Variants in CDH12 observed in about 807,000 individuals in gnomAD.
CDH12 encodes the protein cadherin-12.
Under a neutral mutation model 74.1 loss-of-function variants are expected in CDH12, and 41 were observed. The observed-to-expected ratio is 0.55, with a 90% CI of 0.43 to 0.72. The LOEUF is 0.72. Ranked by LOEUF, CDH12 falls within the 30% of genes least tolerant of loss-of-function variation. CDH12 has a pLI of 0.00. For synonymous variants in CDH12, 399 were observed against 355.0 expected (o/e 1.12, Z -1.39); for missense variants, 945 against 977.2 (o/e 0.97, Z 0.44).
chr5:21,798,859 G>A (rs1261802432), intron 10 of CDH12, among the ~76,000 whole-genome samples: 2 of 152,138 alleles, frequency 1.3e-5, no homozygotes, highest in Non-Finnish European at 2.9e-5. Context: ...GCAGCCTTAA[G>A]TGACTAAGAC....
chr5:22,147,178 A>G (rs1747242806), intron 4 of CDH12, among the ~76,000 whole-genome samples: 1 of 152,180 alleles, frequency 6.6e-6, no homozygotes, highest in Non-Finnish European at 1.5e-5. Flanking sequence ...AAGACATTTT[A>G]GCAAAATTAA....
chr5:22,801,160 G>A (rs912684008), intron 1 of CDH12, among the ~76,000 whole-genome samples: 2 of 152,130 alleles, frequency 1.3e-5, no homozygotes, highest in East Asian at 3.9e-4. Flanking sequence ...ATTACCTCCA[G>A]CAATGAAGAT....
chr5:22,212,627 G>T lies in CDH12; in HGVS notation c.-316C>A, dbSNP rs1478935157. ...ATCCTGTGCTCCTTTTCCCTGTTAT[G>T]TTGAGCTCCTCACTGTCTAAGGAGA... is the stretch of plus-strand genomic sequence containing the variant. On this transcript the variant is annotated 5_prime_UTR_variant, in exon 4 of 15. Coordinates refer to ENST00000382254, the MANE Select transcript of CDH12 (RefSeq NM_004061.5). 1.0e-6 allele frequency: 1 copy of T among 984,866 alleles called. No individual in the cohort carries two copies. Among genetic ancestry groups the T allele is most frequent in the Non-Finnish European group, 1.2e-6 (1 of 829,200 alleles). 61.0% of individuals were successfully genotyped at this position (984,866 alleles called of 1,614,324 possible).
intron 4 of CDH12, among the ~76,000 whole-genome samples, chr5:22,102,165 A>AT (rs1028654683): frequency 6.6e-6 from 1 of 152,064 alleles, no homozygotes; most frequent in Non-Finnish European, 1.5e-5. Context: ...TGTTTGTTTA[A>AT]TTTTTTCCCC....
intron 1 of CDH12, among the ~76,000 whole-genome samples, chr5:22,563,974 G>C (rs1296917960): frequency 6.6e-6 from 1 of 152,022 alleles, no homozygotes; most frequent in Non-Finnish European, 1.5e-5. Flanking sequence ...GGAATTATGG[G>C]AGCTACAAGA....
At chr5:21,770,717 G>A (rs566167619) in intron 11 of CDH12, among the ~76,000 whole-genome samples, 1 of 152,112 alleles carries the variant, frequency 6.6e-6, no homozygotes, top group South Asian at 2.1e-4. Context: ...TGGGTGCATA[G>A]CCAATAGAAT....
At chr5:21,973,791 T>TA (rs1756953525) in intron 6 of CDH12, among the ~76,000 whole-genome samples, 1 of 152,202 alleles carries the variant, frequency 6.6e-6, no homozygotes, top group Admixed American at 6.5e-5. Context: ...AAGACACCGT[T>TA]AAAATGTAGC....
In CDH12 at chr5:22,419,993, G is replaced by GT. The variant is rs79494488; in HGVS notation, c.-427-14643dup. On this transcript the variant is annotated intron_variant, in intron 2 of 14. Coordinates refer to ENST00000382254, the MANE Select transcript of CDH12 (RefSeq NM_004061.5). ...TGTCCTTTGCCCATATTTTAATGGG[G>GT]TTTTTTTTTGTTTGTTTGTTTGTTT... 1.1e-3 allele frequency among the ~76,000 whole-genome samples: 162 copies of GT among 151,200 alleles called. 4 individuals carry two copies. In the South Asian group the frequency reaches 0.012, roughly 11 times the overall value.
intron 5 of CDH12, among the ~76,000 whole-genome samples, chr5:22,001,654 G>A (rs1736609077): frequency 1.3e-5 from 2 of 151,784 alleles, no homozygotes; most frequent in South Asian, 2.1e-4. Context: ...CTCTGCCCTC[G>A]AGTAGGCCCT....
intron 12 of CDH12, among the ~76,000 whole-genome samples, chr5:21,763,551 T>G (rs1744841678): frequency 6.6e-6 from 1 of 152,174 alleles, no homozygotes; most frequent in Non-Finnish European, 1.5e-5. Context: ...TTTACTTAAG[T>G]GAATAGTTAC....
At chr5:21,896,711 C>CT (rs542722784) in intron 6 of CDH12, among the ~76,000 whole-genome samples, 303 of 152,212 alleles carry the variant, frequency 2.0e-3, no homozygotes, top group Non-Finnish European at 3.2e-3. Flanking sequence ...ACAAAAAAAA[C>CT]TTTTTTTATC....
chr5:22,659,917 G>T (rs1003341418), intron 1 of CDH12, among the ~76,000 whole-genome samples: 6 of 151,734 alleles, frequency 4.0e-5, no homozygotes, highest in Non-Finnish European at 7.4e-5. Context: ...AACATATATA[G>T]AATATGACTA....
At chr5:22,219,803 T>A (rs1272540986) in intron 3 of CDH12, among the ~76,000 whole-genome samples, 1 of 151,568 alleles carries the variant, frequency 6.6e-6, no homozygotes, top group Non-Finnish European at 1.5e-5. Context: ...TTTTCTCAGA[T>A]GAAAAAAGGT....
chr5:22,701,645 G>A (rs1359630369), intron 1 of CDH12, among the ~76,000 whole-genome samples: 1 of 151,766 alleles, frequency 6.6e-6, no homozygotes, highest in Admixed American at 6.6e-5. Context: ...TTTTATTACT[G>A]GTTTTAGATC....
At chr5:22,095,381 C>G (rs777295653) in intron 4 of CDH12, among the ~76,000 whole-genome samples, 1 of 152,078 alleles carries the variant, frequency 6.6e-6, no homozygotes, top group African/African-American at 2.4e-5. Flanking sequence ...ACTCCGGCGC[C>G]GGTCATGGAC....
At chr5:21,849,131 A>G (rs1286195868) in intron 7 of CDH12, among the ~76,000 whole-genome samples, 1 of 151,850 alleles carries the variant, frequency 6.6e-6, no homozygotes, top group African/African-American at 2.4e-5. Context: ...TATATATATG[A>G]AACCAGAATT....
At chr5:21,980,416 C>G (rs1328498461) in intron 5 of CDH12, among the ~76,000 whole-genome samples, 1 of 151,974 alleles carries the variant, frequency 6.6e-6, no homozygotes, top group Non-Finnish European at 1.5e-5. Context: ...TATTACAAAA[C>G]ATTTTTTAAG....
In CDH12 at chr5:22,425,407, G is replaced by A. The variant is rs1298746211; in HGVS notation, c.-427-20056C>T. On this transcript the variant is annotated intron_variant, in intron 2 of 14. Transcript: ENST00000382254. ...GTACTTATTTATTTTTTACCCTGTC[G>A]TACTGAAATGCATCAATGGGAGATC... 2.7e-5 allele frequency among the ~76,000 whole-genome samples: 4 copies of A among 150,908 alleles called. No homozygotes were observed. The South Asian group carries it at 6.2e-4, about 24-fold the overall frequency.
intron 6 of CDH12, among the ~76,000 whole-genome samples, chr5:21,973,337 T>C (rs1447903913): frequency 1.3e-5 from 2 of 152,210 alleles, no homozygotes; most frequent in Non-Finnish European, 2.9e-5. Flanking sequence ...GAACCTATTC[T>C]TCCAAAGATC....
Sources: gnomAD v4.1 joint callset for allele counts (sites outside exome capture counted in the v4.1 genomes callset) on GRCh38, gnomAD v4.1.1 for gene constraint, MANE v1.5 for transcripts, NCBI Gene and HGNC (gene_info 2026-07-23, HGNC 2026-07-21) for gene names.